The following INPPL1 variants were observed in gnomAD, a reference collection of about 807,000 sequenced individuals.
The protein encoded by INPPL1 is phosphatidylinositol 3,4,5-trisphosphate 5-phosphatase 2.
A neutral mutation model predicts 139.3 loss-of-function variants in INPPL1; 91 were observed. The observed-to-expected ratio is 0.65, with a 90% confidence interval of 0.55 to 0.78. The LOEUF (loss-of-function observed/expected upper bound fraction) is 0.78, where lower values mean the gene tolerates loss of function less well. Among genes scored for constraint, INPPL1 ranks in the 30% least tolerant of loss-of-function variants. The probability of loss-of-function intolerance (pLI) is 0.00; values close to 1 mark genes in which losing one functional copy is unlikely to be tolerated. For missense variants in INPPL1, 1,411 were observed against 1,665.6 expected, an observed-to-expected ratio of 0.85 and a Z score of 2.66; for synonymous variants, 719 against 686.6, an observed-to-expected ratio of 1.05 and a Z score of -0.74.
rs970999761 is a variant in INPPL1 at position 72,235,619 on chromosome 11, G to A, written c.2660-56G>A. 12 of 1,595,838 alleles carry A rather than the reference G, an allele frequency of 7.5e-6. No homozygotes were observed. Among genetic ancestry groups the A allele is most frequent in the African/African-American group, 6.7e-5 (5 of 74,600 alleles). On this transcript the variant is annotated intron_variant, in intron 23 of 27. Coordinates refer to ENST00000298229, the MANE Select transcript of INPPL1 (RefSeq NM_001567.4). The surrounding 1 kb of genome is among the most constrained non-coding windows in gnomAD (Gnocchi z 4.9). ...GAAAGGGCTGGCAGGCCCACTGGGT[G>A]TCTGTGGGATCCAGGAGCCCAGGTC... is the stretch of plus-strand genomic sequence containing the variant.
rs1948784782 is a variant in INPPL1 at position 72,229,975 on chromosome 11, C to G, written c.895C>G (p.Pro299Ala). The G allele has an allele frequency of 6.2e-7, 1 of 1,614,100 alleles. No homozygotes were observed. The highest frequency in any genetic ancestry group is 8.5e-7 in the Non-Finnish European group (1 of 1,180,048). ...CTCCACAGCACCCCCAGCTCCGCAG[C>G]CATCCACACGTAAGGCCAAGACCAT... ...MSSTAPPAPQ[P>A]STRKAKTIPV... Residue 299 changes from proline (P) to alanine (A), a missense_variant, in exon 8 of 28, where the codon CCA becomes GCA. Around this residue, in one of 5 missense-constraint regions of INPPL1, gnomAD observed 504 missense variants for 595.6 expected, o/e 0.85. Coordinates refer to ENST00000298229, the MANE Select transcript of INPPL1 (RefSeq NM_001567.4).
At chr11:72,227,797 G>A (rs1370351228) in intron 1 of INPPL1, 4 of 294,472 alleles carry the variant, frequency 1.4e-5, no homozygotes, top group Non-Finnish European at 2.0e-5. Flanking sequence ...CACGTTGCCC[G>A]TGTGTGCAAA....
At position 72,237,375 on chromosome 11, in the gene INPPL1, C is replaced by G. The variant is rs761506636; in HGVS notation, c.3131C>G (p.Ser1044Cys). Residue 1044 changes from serine (S) to cysteine (C), a missense_variant, in exon 26 of 28, where the codon TCT becomes TGT. Ser to Cys is a moderately radical substitution (Grantham distance 112). Around this residue, in one of 5 missense-constraint regions of INPPL1, gnomAD observed 438 missense variants for 425.7 expected, o/e 1.03. Transcript: ENST00000298229. ...GAGGGGAGTTCTTCAGATGAGGAGT[C>G]TGGAGGCACACTGCCCCCTCCAGAC... ...VGEGSSSDEE[S>C]GGTLPPPDFP... 6.2e-7 allele frequency: 1 copy of G among 1,613,948 alleles called. No individual in the cohort carries two copies. The highest frequency in any genetic ancestry group is 1.7e-5 in the Admixed American group (1 of 60,022).
chr11:72,230,657 A>G, intron 10 of INPPL1, 139 bp from the exon 11 acceptor site: 2 of 846,696 alleles, frequency 2.4e-6, no homozygotes, highest in Admixed American at 2.1e-5. Flanking sequence ...CAGCACTGTT[A>G]TATGCTTGAG....
rs1242656719 is a variant in INPPL1, at chr11:72,232,221, C to T, written c.1616-19C>T. ...CTCTGAGGATGACCCAGGCCTTCCT[C>T]TCTTGCTTGCCTTAACAGGGAACAA... On this transcript the variant is annotated intron_variant, in intron 13 of 27. Transcript: ENST00000298229. 6.5e-7 allele frequency: 1 copy of T among 1,546,722 alleles called. No homozygotes were observed. Among genetic ancestry groups the T allele is most frequent in the African/African-American group, 1.4e-5 (1 of 73,160 alleles).
rs1948944152 is a variant in INPPL1, at chr11:72,235,010, C to T, written c.2416-106C>T. ...CTGAAGAGTTGAGTGTGAGTGAGCA[C>T]AGATGACCTGAGGGTGGGGATTGAG... On this transcript the variant is annotated intron_variant, in intron 21 of 27. Coordinates refer to ENST00000298229, the MANE Select transcript of INPPL1 (RefSeq NM_001567.4). The surrounding 1 kb of genome is among the most constrained non-coding windows in gnomAD (Gnocchi z 4.9). The T allele has an allele frequency of 1.1e-6, 1 of 886,418 alleles. No individual in the cohort carries two copies. Among genetic ancestry groups the T allele is most frequent in the Non-Finnish European group, 1.8e-6 (1 of 554,852 alleles). The allele number at this position is 886,418 out of a possible 1,614,324, so 54.9% of individuals were successfully genotyped here.
intron 18 of INPPL1, 25 bp downstream of exon 18, chr11:72,233,547 T>C: frequency 6.2e-6 from 10 of 1,609,406 alleles, no homozygotes; most frequent in Non-Finnish European, 8.5e-6. Context: ...GACAGAGTGA[T>C]GGGAGATCTG....
chr11:72,226,075 TGTG>T (rs539390929), intron 1 of INPPL1, among the ~76,000 whole-genome samples: 389 of 152,278 alleles, frequency 2.6e-3, no homozygotes, highest in Non-Finnish European at 4.7e-3. Flanking sequence ...TTCTTAGCTC[TGTG>T]AACCCCCTCC....
chr11:72,229,782 A>AT lies in INPPL1; in HGVS notation c.843+32dup, dbSNP rs776376700. The stretch of plus-strand genomic sequence containing the variant: ...CATGATCTCTGACCCTTGACCCCCG[A>AT]TTCACTGGCCACTGTCATTGGCCTA... On this transcript the variant is annotated intron_variant, in intron 7 of 27. Coordinates refer to ENST00000298229, the MANE Select transcript of INPPL1 (RefSeq NM_001567.4). The AT allele has an allele frequency of 1.9e-6, 3 of 1,598,032 alleles. No individual in the cohort carries two copies. In the African/African-American group the frequency reaches 4.0e-5, roughly 21 times the overall value.
Position 72,236,699 on chromosome 11 carries a change from C to T in INPPL1, c.2880-425C>T, listed in dbSNP as rs536106609. Among the ~76,000 whole-genome samples the T allele has an allele frequency of 2.6e-5, 4 of 152,270 alleles. No homozygotes were observed. In the East Asian group the frequency reaches 7.7e-4, roughly 29 times the overall value. Reference sequence around the variant, plus strand: ...CATCTTCAGCTGTTGTCAGTCACCCCGGTTTTATCCCTAGGCTTGAATAAG... The same window carrying T: ...CATCTTCAGCTGTTGTCAGTCACCCTGGTTTTATCCCTAGGCTTGAATAAG... On this transcript the variant is annotated intron_variant, in intron 25 of 27. Transcript: ENST00000298229.
intron 13 of INPPL1, 49 bp from the exon 14 acceptor site, chr11:72,232,191 G>A (rs1488131357): frequency 7.1e-7 from 1 of 1,404,594 alleles, no homozygotes; most frequent in Non-Finnish European, 9.9e-7. Context: ...GGAGAGTTGG[G>A]AGCCCTCTGA....
At position 72,230,853 on chromosome 11, in the gene INPPL1, G is replaced by A; in HGVS notation, c.1255G>A (p.Asp419Asn). The A allele has an allele frequency of 6.2e-7, 1 of 1,613,972 alleles. No individual in the cohort carries two copies. Among genetic ancestry groups the A allele is most frequent in the Non-Finnish European group, 8.5e-7 (1 of 1,179,980 alleles). Residue 419 changes from aspartate to asparagine, a missense_variant, in exon 11 of 28, where the codon GAC becomes AAC. This residue lies in a region of INPPL1 where 504 missense variants were observed against 595.6 expected (regional missense o/e 0.85). Coordinates refer to ENST00000298229, the MANE Select transcript of INPPL1 (RefSeq NM_001567.4). ...CATGAAGAACAAGCACTCCAAGCAG[G>A]ACGAGCCCGACATGATCTCAGTCTT... ...QLMKNKHSKQ[D>N]EPDMISVFIG... is the part of the protein sequence containing the mutation.
In INPPL1 at chr11:72,231,135, G is replaced by T. The variant is rs751018429; in HGVS notation, c.1443G>T (p.Trp481Cys). 2 of 1,613,790 alleles carry T rather than the reference G, an allele frequency of 1.2e-6. No individual in the cohort carries two copies. The highest frequency in any genetic ancestry group is 2.2e-5 in the East Asian group (1 of 44,884). The change falls in exon 12 of 28, where the codon TGG (tryptophan) becomes TGT (cysteine). Residue 481 changes from tryptophan to cysteine, a missense_variant. Trp to Cys is a radical substitution (Grantham distance 215, BLOSUM62 -2). Around this residue, in one of 5 missense-constraint regions of INPPL1, gnomAD observed 363 missense variants for 446.2 expected, o/e 0.81. Transcript: ENST00000298229. ...AGAACTCAGTGGGCGACCGCGAGTG[G>T]CTGGACCTACTGCGCGGGGGCCTCA... Reference protein sequence around the residue: ...TQENSVGDREWLDLLRGGLKE... With the variant: ...TQENSVGDRECLDLLRGGLKE...
chr11:72,233,626 G>A (rs766245455), intron 18 of INPPL1, 29 bp from the exon 19 acceptor site: 13 of 1,610,346 alleles, frequency 8.1e-6, no homozygotes, highest in East Asian at 2.2e-5. Flanking sequence ...TATTCCCCCT[G>A]AGTCCCCATT....
In INPPL1 at chr11:72,237,206, G is replaced by A. The variant is rs770973654; in HGVS notation, c.2962G>A (p.Val988Ile). Residue 988 changes from valine (V) to isoleucine (I), a missense_variant, in exon 26 of 28, where the codon GTC becomes ATC. This residue lies in a region of INPPL1 where 438 missense variants were observed against 425.7 expected (regional missense o/e 1.03). Coordinates refer to ENST00000298229, the MANE Select transcript of INPPL1 (RefSeq NM_001567.4). ...CAGCTTCAATAACCCTGCCTACTAC[G>A]TCCTTGAAGGGGTCCCGCACCAGCT... ...KNSFNNPAYY[V>I]LEGVPHQLLP... 6.8e-6 allele frequency: 11 copies of A among 1,613,880 alleles called. No homozygotes were observed. In the South Asian group the frequency reaches 9.9e-5, roughly 14 times the overall value.
chr11:72,227,173 T>C (rs1948698925), intron 1 of INPPL1, among the ~76,000 whole-genome samples: 1 of 152,194 alleles, frequency 6.6e-6, no homozygotes, highest in African/African-American at 2.4e-5. Flanking sequence ...CAAGCTAGGA[T>C]ACTGGCCCTG....
rs755822719 is a variant in INPPL1 at position 72,232,716 on chromosome 11, C to T, written c.1803C>T (p.His601=). 4 of 1,614,028 alleles carry T rather than the reference C, an allele frequency of 2.5e-6. No homozygotes were observed. The East Asian group carries it at 6.7e-5, about 27-fold the overall frequency. The change falls in exon 15 of 28, where the codon CAC becomes CAT. Residue 601 remains histidine, a synonymous_variant. Coordinates refer to ENST00000298229, the MANE Select transcript of INPPL1 (RefSeq NM_001567.4). ...NAFDISLRFT[H]LFWFGDLNYR... Reference sequence around the variant, plus strand: ...TTGACATCTCTCTGCGTTTCACACACCTCTTCTGGTTTGGGGACCTCAACT... The same window carrying T: ...TTGACATCTCTCTGCGTTTCACACATCTCTTCTGGTTTGGGGACCTCAACT...
rs776591812 is a variant in INPPL1, at chr11:72,231,166, C to A, written c.1474C>A (p.Leu492Ile). 1.2e-6 allele frequency: 2 copies of A among 1,612,980 alleles called. No individual in the cohort carries two copies. Among genetic ancestry groups the A allele is most frequent in the South Asian group, 2.2e-5 (2 of 91,052 alleles). ...LDLLRGGLKELTDLDYRPIAM... is the reference protein window; with the variant it reads ...LDLLRGGLKEITDLDYRPIAM... ...CCTACTGCGCGGGGGCCTCAAGGAG[C>A]TTACGGATCTGGATTACCGCCCGGT... Residue 492 changes from leucine (L) to isoleucine (I), a missense_variant, in exon 12 of 28, where the codon CTT becomes ATT. Physicochemically the swap from Leu to Ile is conservative, Grantham distance 5. Around this residue, in one of 5 missense-constraint regions of INPPL1, gnomAD observed 363 missense variants for 446.2 expected, o/e 0.81. Coordinates refer to ENST00000298229, the MANE Select transcript of INPPL1 (RefSeq NM_001567.4).
At chr11:72,229,388 G>A in intron 5 of INPPL1, 77 bp from the exon 6 acceptor site, 1 of 1,472,156 alleles carries the variant, frequency 6.8e-7, no homozygotes, top group Non-Finnish European at 9.5e-7. Flanking sequence ...TTGTGGTGAG[G>A]TTGAGGCTAC....
Sources: gnomAD v4.1 joint callset for allele counts (sites outside exome capture counted in the v4.1 genomes callset) on GRCh38, gnomAD v4.1.1 for gene constraint, gnomAD v4.1.1 regional missense constraint, Gnocchi (gnomAD v3.1) non-coding constraint, MANE v1.5 for transcripts, NCBI Gene and HGNC (gene_info 2026-07-23, HGNC 2026-07-21) for gene names.